ZNF880: variants seen among roughly 807,000 people sequenced by gnomAD.
The protein encoded by ZNF880 is zinc finger protein LOC400713.
ZNF880 carries 12 observed loss-of-function variants against 11.8 expected under a neutral mutation model. The ratio of observed to expected loss-of-function variants is 1.02; its 90% CI spans 0.65 to 1.65. The LOEUF is 1.65. Among genes scored for constraint, ZNF880 ranks in the 40% most tolerant of loss-of-function variants. ZNF880 has a pLI of 0.00. For synonymous variants in ZNF880, 210 were observed against 232.4 expected, an observed-to-expected ratio of 0.90 and a Z score of 0.88; for missense variants, 601 against 673.9, an observed-to-expected ratio of 0.89 and a Z score of 1.20.
chr19:52,367,010 C>T (rs1986132964), upstream of ZNF880: 1 of 435,244 alleles, frequency 2.3e-6, no homozygotes, highest in South Asian at 7.0e-5. Flanking sequence ...ACCAGTATAG[C>T]ATATTCTTGA....
chr19:52,393,870 T>C, the ZNF880 span, among the ~76,000 whole-genome samples: 1 of 127,044 alleles, frequency 7.9e-6, no homozygotes, highest in Non-Finnish European at 1.6e-5. Flanking sequence ...GGAGTCTTGC[T>C]CTGTCGCCCA....
At chr19:52,373,065 T>C in intron 1 of ZNF880, 46 bp from the exon 2 acceptor site, 1 of 1,605,880 alleles carries the variant, frequency 6.2e-7, no homozygotes, top group Non-Finnish European at 8.5e-7. Flanking sequence ...AACTGTCTCC[T>C]CATTTTGTGT....
At chr19:52,372,265 T>A (rs1986396824) in intron 1 of ZNF880, among the ~76,000 whole-genome samples, 1 of 150,672 alleles carries the variant, frequency 6.6e-6, no homozygotes, top group Non-Finnish European at 1.5e-5. Context: ...TCTTATGTTG[T>A]CCACAAAATT....
chr19:52,385,218 A>G lies in ZNF880; in HGVS notation c.1638A>G (p.Lys546=). The G allele has an allele frequency of 6.4e-7, 1 of 1,551,964 alleles. No individual in the cohort carries two copies. The highest frequency in any genetic ancestry group is 8.7e-7 in the Non-Finnish European group (1 of 1,147,242). The change falls in exon 4 of 4, where the codon AAA becomes AAG. Residue 546 remains lysine, a synonymous_variant. Coordinates refer to ENST00000422689, the MANE Select transcript of ZNF880 (RefSeq NM_001145434.2). ...ATGAGAGAATTCATACTGGGGAGAA[A>G]CCGTACAGATGTCATGAATGTGGTA... ...KKHERIHTGE[K]PYRCHECGKD...
chr19:52,368,006 C>T (rs1004164237), upstream of ZNF880, among the ~76,000 whole-genome samples: 1 of 151,594 alleles, frequency 6.6e-6, no homozygotes, highest in Non-Finnish European at 1.5e-5. Context: ...TGAGGCCATC[C>T]TGGTCAACAT....
intron 1 of ZNF880, chr19:52,370,266 GTAAAGT>G (rs1353052082): frequency 2.2e-6 from 1 of 458,718 alleles, no homozygotes; most frequent in African/African-American, 2.0e-5. Flanking sequence ...CCCGCGCTGC[GTAAAGT>G]TCTCACCCGC....
downstream of ZNF880, among the ~76,000 whole-genome samples, chr19:52,387,153 G>A (rs371780367): frequency 6.9e-5 from 10 of 144,698 alleles, no homozygotes; most frequent in Admixed American, 6.8e-4. Flanking sequence ...TAACTTTAGT[G>A]TAAAATAGGC....
intron 3 of ZNF880, among the ~76,000 whole-genome samples, chr19:52,378,257 A>G (rs1485955553): frequency 6.6e-6 from 1 of 152,154 alleles, no homozygotes; most frequent in East Asian, 1.9e-4. Context: ...GCCATTCTTC[A>G]GTTGTGCTTT....
rs553145214 is a variant in ZNF880, at chr19:52,376,001, C to T, written c.268+1574C>T. On this transcript the variant is annotated intron_variant, in intron 3 of 3. Coordinates refer to ENST00000422689, the MANE Select transcript of ZNF880 (RefSeq NM_001145434.2). Reference sequence around the variant, plus strand: ...CAGGTTGCTGCAAATGCCATTATTTCGTTCCATTTTATGGCTGAATAGCAT... The same window carrying T: ...CAGGTTGCTGCAAATGCCATTATTTTGTTCCATTTTATGGCTGAATAGCAT... Among the ~76,000 whole-genome samples, 60 of 152,270 alleles carry T rather than the reference C, an allele frequency of 3.9e-4. 2 individuals carry two copies. In the South Asian group the frequency reaches 9.1e-3, roughly 23 times the overall value.
intron 3 of ZNF880, chr19:52,374,715 T>C (rs1271873824): frequency 1.7e-6 from 1 of 602,932 alleles, no homozygotes; most frequent in African/African-American, 1.9e-5. Flanking sequence ...TTAAATCCTG[T>C]GAGTTCTGAT....
chr19:52,383,314 T>C (rs1380211418), intron 3 of ZNF880, among the ~76,000 whole-genome samples: 1 of 152,212 alleles, frequency 6.6e-6, no homozygotes, highest in African/African-American at 2.4e-5. Context: ...GATTGATTGA[T>C]TGATCATAAT....
rs1986852967 is a variant in ZNF880, at chr19:52,385,320, GT to G, written c.*7del. The G allele has an allele frequency of 6.5e-7, 1 of 1,549,956 alleles. No individual in the cohort carries two copies. Among genetic ancestry groups the G allele is most frequent in the Non-Finnish European group, 8.7e-7 (1 of 1,145,730 alleles). On this transcript the variant is annotated 3_prime_UTR_variant, in exon 4 of 4. Coordinates refer to ENST00000422689, the MANE Select transcript of ZNF880 (RefSeq NM_001145434.2). ...GAGAGAAACCGTACAGATGAAATGTGTGTGGTAAGATCTTTAGTAATAATTC... is the reference window on the plus strand; with the variant it reads ...GAGAGAAACCGTACAGATGAAATGTGGTGGTAAGATCTTTAGTAATAATTC...
At chr19:52,394,002 A>C in the ZNF880 span, among the ~76,000 whole-genome samples, 1 of 143,762 alleles carries the variant, frequency 7.0e-6, no homozygotes, top group Non-Finnish European at 1.5e-5. Flanking sequence ...ACACCTGGCT[A>C]ATTTTTTTGT....
the ZNF880 span, chr19:52,392,833 A>AC: frequency 5.7e-6 from 1 of 174,774 alleles, no homozygotes; most frequent in East Asian, 1.8e-4. Context: ...ATATATATAT[A>AC]TTTTTTGAGA....
chr19:52,381,128 T>TA (rs1432812765), intron 3 of ZNF880, among the ~76,000 whole-genome samples: 2 of 151,736 alleles, frequency 1.3e-5, no homozygotes, highest in African/African-American at 2.4e-5. Context: ...CTTACTACTT[T>TA]TAATAGAGAT....
At chr19:52,367,747 ATG>A (rs1568657691), upstream of ZNF880, 2 of 152,144 alleles carry the variant, frequency 1.3e-5, no homozygotes, top group East Asian at 1.9e-4. Context: ...ACACCCTCAA[ATG>A]TGTGTGAGTG....
At chr19:52,375,772 T>C (rs562729414) in intron 3 of ZNF880, among the ~76,000 whole-genome samples, 41 of 152,092 alleles carry the variant, frequency 2.7e-4, no homozygotes, top group Non-Finnish European at 4.9e-4. Context: ...TTTGGGCTCA[T>C]ATGATCATCT....
chr19:52,379,802 T>C (rs539061997), intron 3 of ZNF880: 1 of 157,306 alleles, frequency 6.4e-6, no homozygotes, highest in Non-Finnish European at 1.4e-5. Context: ...TTTAAGCTGC[T>C]ATCTTAGTTC....
At chr19:52,391,934 G>C in the ZNF880 span, among the ~76,000 whole-genome samples, 1 of 152,128 alleles carries the variant, frequency 6.6e-6, no homozygotes, top group African/African-American at 2.4e-5. Context: ...CTCATCTCCG[G>C]TCATCAAAAT....
Sources: allele counts gnomAD v4.1 joint callset (sites outside exome capture counted in the v4.1 genomes callset), GRCh38; gene constraint gnomAD v4.1.1; transcripts MANE v1.5; gene names NCBI Gene and HGNC (gene_info 2026-07-23, HGNC 2026-07-21).